Variants in CDKAL1 observed in about 807,000 individuals in gnomAD.
The protein encoded by CDKAL1 is CDKAL1 threonylcarbamoyladenosine tRNA methylthiotransferase, also known as threonylcarbamoyladenosine tRNA methylthiotransferase.
Under a neutral mutation model 68.2 loss-of-function variants are expected in CDKAL1, and 32 were observed. The ratio of observed to expected loss-of-function variants is 0.47; its 90% CI spans 0.35 to 0.63. The LOEUF is 0.63. Among genes scored for constraint, CDKAL1 ranks in the 30% least tolerant of loss-of-function variants. CDKAL1 has a pLI of 0.00. For synonymous variants in CDKAL1, 234 were observed against 244.3 expected (o/e 0.96, Z 0.39); for missense variants, 606 against 696.7 (o/e 0.87, Z 1.47).
At chr6:20,636,148 G>T (rs1767894954) in intron 4 of CDKAL1, among the ~76,000 whole-genome samples, 1 of 152,124 alleles carries the variant, frequency 6.6e-6, no homozygotes, top group African/African-American at 2.4e-5. Flanking sequence ...ACTTGTTTCA[G>T]GGGAGACAAG....
intron 11 of CDKAL1, among the ~76,000 whole-genome samples, chr6:21,053,952 A>G (rs1367240535): frequency 2.0e-5 from 3 of 151,980 alleles, no homozygotes; most frequent in Non-Finnish European, 4.4e-5. Context: ...AGTAAGTTTA[A>G]TTTCTTAGTT....
intron 13 of CDKAL1, among the ~76,000 whole-genome samples, chr6:21,184,196 C>CT (rs34248538): frequency 1.4e-3 from 165 of 116,938 alleles, no homozygotes; most frequent in Admixed American, 4.6e-3. Context: ...TTTCTTTGAC[C>CT]TTTTTTTTTT....
chr6:20,550,318 A>G (rs1490849006), intron 4 of CDKAL1, among the ~76,000 whole-genome samples: 1 of 152,010 alleles, frequency 6.6e-6, no homozygotes, highest in Non-Finnish European at 1.5e-5. Context: ...ATGGATATTT[A>G]TTTTATCCTG....
intron 8 of CDKAL1, among the ~76,000 whole-genome samples, chr6:20,805,084 A>T (rs193104011): frequency 6.6e-6 from 1 of 152,302 alleles, no homozygotes; most frequent in Admixed American, 6.5e-5. Flanking sequence ...GACCTGCTCT[A>T]GGTAGAAAGA....
chr6:20,666,201 A>G (rs1490571344), intron 5 of CDKAL1, among the ~76,000 whole-genome samples: 1 of 152,140 alleles, frequency 6.6e-6, no homozygotes, highest in Non-Finnish European at 1.5e-5. Context: ...GCAAATAAAA[A>G]TGGAAAGATT....
chr6:20,936,530 G>A (rs1383183567), intron 9 of CDKAL1, among the ~76,000 whole-genome samples: 1 of 151,534 alleles, frequency 6.6e-6, no homozygotes, highest in Non-Finnish European at 1.5e-5. Context: ...GATTACAGGC[G>A]TGAGCCACCG....
At chr6:20,581,775 AGTTGCAGGT>A (rs1218725536) in intron 4 of CDKAL1, among the ~76,000 whole-genome samples, 1 of 152,196 alleles carries the variant, frequency 6.6e-6, no homozygotes, top group Non-Finnish European at 1.5e-5. Context: ...AATGTCTTGA[AGTTGCAGGT>A]TTTTTTCCTT....
intron 9 of CDKAL1, among the ~76,000 whole-genome samples, chr6:20,864,986 G>A (rs1389486984): frequency 6.6e-6 from 1 of 152,016 alleles, no homozygotes; most frequent in African/African-American, 2.4e-5. Flanking sequence ...CAGGCATTTT[G>A]CCGTTTTATG....
chr6:21,202,175 T>A (rs926795258), intron 15 of CDKAL1, among the ~76,000 whole-genome samples: 1 of 152,320 alleles, frequency 6.6e-6, no homozygotes, highest in Admixed American at 6.5e-5. Flanking sequence ...CTATTGTCTG[T>A]GTTCTCACTG....
At chr6:20,766,455 C>A (rs940017467) in intron 7 of CDKAL1, among the ~76,000 whole-genome samples, 3 of 152,182 alleles carry the variant, frequency 2.0e-5, no homozygotes, top group Non-Finnish European at 4.4e-5. Flanking sequence ...ACAGGCTTCC[C>A]ATGACCCAGC....
intron 9 of CDKAL1, among the ~76,000 whole-genome samples, chr6:20,855,129 T>G (rs771047065): frequency 6.6e-6 from 1 of 152,134 alleles, no homozygotes; most frequent in Non-Finnish European, 1.5e-5. Context: ...AAGTTATATA[T>G]TTTGGCATTT....
intron 15 of CDKAL1, among the ~76,000 whole-genome samples, chr6:21,208,251 T>C (rs1222735258): frequency 1.3e-5 from 2 of 152,172 alleles, no homozygotes; most frequent in African/African-American, 2.4e-5. Flanking sequence ...GTTTGCTTCA[T>C]TACCAGACAA....
intron 2 of CDKAL1, among the ~76,000 whole-genome samples, chr6:20,537,184 A>G (rs1194722495): frequency 6.6e-6 from 1 of 152,168 alleles, no homozygotes. Context: ...ATTGAGAACC[A>G]TTACTGTGGA....
rs534211270 is a variant in CDKAL1 at position 20,908,005 on chromosome 6, C to A, written c.743-47414C>A. On this transcript the variant is annotated intron_variant, in intron 9 of 15. Coordinates refer to ENST00000274695, the MANE Select transcript of CDKAL1 (RefSeq NM_017774.3). ...ACTTCTCCCCATAATGACCTTCATT[C>A]AGAGAGCACTGGCTGCAGCTTCACT... Among the ~76,000 whole-genome samples the A allele has an allele frequency of 3.0e-4, 45 of 152,302 alleles. 1 individual carries two copies. The highest frequency in any genetic ancestry group is 1.9e-3 in the South Asian group (9 of 4,818).
intron 5 of CDKAL1, among the ~76,000 whole-genome samples, chr6:20,723,835 A>G (rs1562054704): frequency 6.6e-6 from 1 of 152,180 alleles, no homozygotes; most frequent in Non-Finnish European, 1.5e-5. Context: ...GCCTCTGTTC[A>G]GAGGTTGGGG....
chr6:20,945,132 T>C (rs1269753149), intron 9 of CDKAL1, among the ~76,000 whole-genome samples: 2 of 151,880 alleles, frequency 1.3e-5, no homozygotes, highest in Non-Finnish European at 2.9e-5. Flanking sequence ...TCTTCTCATC[T>C]CCTACATCCA....
chr6:21,009,792 A>G (rs530240702), intron 11 of CDKAL1, among the ~76,000 whole-genome samples: 2 of 152,348 alleles, frequency 1.3e-5, no homozygotes, highest in Admixed American at 1.3e-4. Flanking sequence ...GAGCTAAAAA[A>G]TTGATCTCAT....
chr6:20,990,623 G>A (rs1463397601), intron 10 of CDKAL1, among the ~76,000 whole-genome samples: 3 of 152,214 alleles, frequency 2.0e-5, no homozygotes, highest in Non-Finnish European at 2.9e-5. Flanking sequence ...GAATTGGAAA[G>A]TTTCCTTTCT....
intron 5 of CDKAL1, among the ~76,000 whole-genome samples, chr6:20,723,231 C>T (rs1772472120): frequency 6.6e-6 from 1 of 152,230 alleles, no homozygotes; most frequent in Non-Finnish European, 1.5e-5. Flanking sequence ...CGTGGGCACC[C>T]TCACCTGGAT....
Sources: allele counts gnomAD v4.1 joint callset (sites outside exome capture counted in the v4.1 genomes callset), GRCh38; gene constraint gnomAD v4.1.1; transcripts MANE v1.5; gene names NCBI Gene and HGNC (gene_info 2026-07-23, HGNC 2026-07-21).